The following GART variants were observed in gnomAD, a reference collection of about 807,000 sequenced individuals.
GART encodes the protein phosphoribosylglycinamide formyltransferase, phosphoribosylglycinamide synthetase, phosphoribosylaminoimidazole synthetase.
A neutral mutation model predicts 107.2 loss-of-function variants in GART; 43 were observed. The ratio of observed to expected loss-of-function variants is 0.40; its 90% CI spans 0.31 to 0.52. The LOEUF (loss-of-function observed/expected upper bound fraction) is 0.52, where lower values mean the gene tolerates loss of function less well. Ranked by LOEUF, GART falls within the 20% of genes least tolerant of loss-of-function variation. The pLI is 0.52. For synonymous variants in GART, 434 were observed against 427.0 expected (o/e 1.02, Z -0.20); for missense variants, 1,107 against 1,206.5 (o/e 0.92, Z 1.22).
At chr21:33,530,634 C>A in intron 7 of GART, 125 bp downstream of exon 7, 1 of 992,740 alleles carries the variant, frequency 1.0e-6, no homozygotes, top group African/African-American at 1.7e-5. Flanking sequence ...CATTTAATTG[C>A]TGATTAGTAA....
intron 14 of GART, chr21:33,518,811 T>C (rs1264902280): frequency 1.9e-6 from 1 of 520,906 alleles, no homozygotes; most frequent in Non-Finnish European, 3.8e-6. Flanking sequence ...CTCCTTAAAC[T>C]AGTCAGATTG....
intron 1 of GART, among the ~76,000 whole-genome samples, chr21:33,541,046 C>T (rs565235173): frequency 2.0e-4 from 31 of 152,124 alleles, no homozygotes; most frequent in African/African-American, 7.2e-4. Context: ...AAAAAAAAAC[C>T]CTGTTAAATT....
chr21:33,542,238 C>G (rs191547224), upstream of GART: 1 of 152,434 alleles, frequency 6.6e-6, no homozygotes, highest in East Asian at 1.9e-4. Flanking sequence ...GTCTGATTCC[C>G]TCCCGCCCTG....
chr21:33,517,420 C>T lies in GART; in HGVS notation c.1891G>A (p.Val631Met), dbSNP rs142142742. The change falls in exon 15 of 22, where the codon GTG becomes ATG. Residue 631 changes from valine to methionine, a missense_variant. Val to Met is a conservative substitution (Grantham distance 21). Coordinates refer to ENST00000381815, the MANE Select transcript of GART (RefSeq NM_000819.5). ...SNGFSLVRKI[V>M]AKSSLQYSSP... ...GAGTACTGGAGGGAAGATTTTGCCA[C>T]GATTTTCCTCACAAGGCTAAATCCA... 417 of 1,614,156 alleles carry T rather than the reference C, an allele frequency of 2.6e-4. 4 individuals are homozygous for T. The highest frequency in any genetic ancestry group is 1.2e-3 in the Middle Eastern group (7 of 6,062).
intron 14 of GART, chr21:33,518,904 C>A: frequency 1.9e-6 from 1 of 519,254 alleles, no homozygotes; most frequent in South Asian, 1.4e-5. Flanking sequence ...TGAAAGTGTT[C>A]ACTGCCCCAG....
In GART at chr21:33,531,550, G is replaced by T. The variant is rs762366963; in HGVS notation, c.536C>A (p.Ala179Asp). Residue 179 changes from alanine (A) to aspartate (D), a missense_variant, in exon 6 of 22, where the codon GCC becomes GAC. Physicochemically the swap from Ala to Asp is moderately radical, Grantham distance 126. Coordinates refer to ENST00000381815, the MANE Select transcript of GART (RefSeq NM_000819.5). Reference sequence around the variant, plus strand: ...AATTGTTTCTCCAGCTGCCCCAAAGGCTTTCTCCTGATTGTAAGATTTTTT... The same window carrying T: ...AATTGTTTCTCCAGCTGCCCCAAAGTCTTTCTCCTGATTGTAAGATTTTTT... ...KAVQEIMQEKAFGAAGETIVI... is the reference protein window; with the variant it reads ...KAVQEIMQEKDFGAAGETIVI... The T allele has an allele frequency of 1.9e-6, 3 of 1,602,118 alleles. No individual in the cohort carries two copies. Among genetic ancestry groups the T allele is most frequent in the Non-Finnish European group, 2.5e-6 (3 of 1,176,826 alleles).
In GART at chr21:33,525,116, G is replaced by A; in HGVS notation, c.1067-116C>T. The A allele has an allele frequency of 2.8e-6, 4 of 1,433,526 alleles. 1 individual carries two copies. The South Asian group carries it at 6.1e-5, about 22-fold the overall frequency. 88.8% of individuals were successfully genotyped at this position (1,433,526 alleles called of 1,614,324 possible). A position where few individuals can be genotyped will look rare whatever the true frequency, so the allele number is the denominator to read the frequency against. On this transcript the variant is annotated intron_variant, in intron 10 of 21. Coordinates refer to ENST00000381815, the MANE Select transcript of GART (RefSeq NM_000819.5). ...TTTTTTTTTAACTTGGCTAGGTGCG[G>A]TGGCTCATGCTTATAATTCCAGCAC... is the stretch of plus-strand genomic sequence containing the variant.
intron 1 of GART, among the ~76,000 whole-genome samples, chr21:33,541,401 C>T (rs1373878022): frequency 6.6e-6 from 1 of 152,218 alleles, no homozygotes; most frequent in African/African-American, 2.4e-5. Context: ...CCCACCTTGG[C>T]CTCCCAAGTG....
At chr21:33,527,444 G>C (rs1264748690) in intron 10 of GART, among the ~76,000 whole-genome samples, 1 of 152,086 alleles carries the variant, frequency 6.6e-6, no homozygotes, top group East Asian at 1.9e-4. Flanking sequence ...CTTGAACCCA[G>C]GAGGAGGTTA....
At position 33,506,065 on chromosome 21, in the gene GART, G is replaced by C; in HGVS notation, c.2492C>G (p.Pro831Arg). 6.2e-7 allele frequency: 1 copy of C among 1,614,082 alleles called. No homozygotes were observed. Among genetic ancestry groups the C allele is most frequent in the Non-Finnish European group, 8.5e-7 (1 of 1,180,002 alleles). The change falls in exon 19 of 22, where the codon CCA (proline) becomes CGA (arginine). Residue 831 changes from proline to arginine, a missense_variant. Coordinates refer to ENST00000381815, the MANE Select transcript of GART (RefSeq NM_000819.5). The stretch of plus-strand genomic sequence containing the variant: ...AATATCAATTTGTGCAGAGCTATTT[G>C]GTTCCCGAGTACTGTCTATAAGTGC... ...LQALIDSTREPNSSAQIDIVI... is the reference protein window; with the variant it reads ...LQALIDSTRERNSSAQIDIVI...
At chr21:33,534,799 G>T in intron 3 of GART, 46 bp from the exon 4 acceptor site, 1 of 1,493,232 alleles carries the variant, frequency 6.7e-7, no homozygotes, top group South Asian at 1.4e-5. Flanking sequence ...GTCTCCCCAG[G>T]GGCTTTTCAG....
intron 3 of GART, 26 bp from the exon 4 acceptor site, chr21:33,534,779 GTGAACCAAGGTCTCCCC>G: frequency 2.0e-6 from 3 of 1,528,332 alleles, no homozygotes; most frequent in Non-Finnish European, 2.6e-6. Context: ...GTAGCCTTAG[GTGAACCAAGGTCTCCCC>G]AGGGGCTTTT....
chr21:33,530,735 T>G, intron 7 of GART, 24 bp downstream of exon 7: 1 of 1,408,482 alleles, frequency 7.1e-7, no homozygotes, highest in Non-Finnish European at 9.3e-7. Flanking sequence ...ACTACAAGAC[T>G]TCAGCAGAGT....
At position 33,534,644 on chromosome 21, in the gene GART, A is replaced by G; in HGVS notation, c.351T>C (p.His117=). Residue 117 remains histidine, a synonymous_variant, in exon 4 of 22, where the codon CAT becomes CAC. Transcript: ENST00000381815. ...CCTTCCATTGTGCGGTTGGGATTCC[A>G]TGTCTGTCCATAAACTCTTTGGCAA... The part of the protein sequence containing the change: ...KRFAKEFMDR[H]GIPTAQWKAF... 4 of 1,614,088 alleles carry G rather than the reference A, an allele frequency of 2.5e-6. No homozygotes were observed. Among genetic ancestry groups the G allele is most frequent in the Non-Finnish European group, 3.4e-6 (4 of 1,180,008 alleles).
intron 14 of GART, chr21:33,518,607 CA>C: frequency 3.2e-6 from 1 of 314,110 alleles, no homozygotes; most frequent in Non-Finnish European, 6.2e-6. Context: ...TTTCAGAAAG[CA>C]GTCATAATGT....
intron 1 of GART, among the ~76,000 whole-genome samples, chr21:33,541,643 T>G (rs924450201): frequency 6.6e-6 from 1 of 152,170 alleles, no homozygotes; most frequent in Non-Finnish European, 1.5e-5. Context: ...CTTGGGGGAC[T>G]TCACTAACCT....
chr21:33,504,567 T>C, intron 20 of GART, 40 bp from the exon 21 acceptor site: 1 of 1,410,272 alleles, frequency 7.1e-7, no homozygotes, highest in Non-Finnish European at 1.0e-6. Context: ...AATTTAAAAA[T>C]CCTGGGTATT....
intron 7 of GART, 128 bp from the exon 8 acceptor site, chr21:33,529,065 T>C: frequency 1.8e-6 from 1 of 543,160 alleles, no homozygotes; most frequent in Admixed American, 3.3e-5. Context: ...TGCTGAACAC[T>C]TTGAACTTGA....
chr21:33,511,219 T>G, intron 17 of GART, 33 bp downstream of exon 17: 1 of 1,610,394 alleles, frequency 6.2e-7, no homozygotes, highest in Non-Finnish European at 8.5e-7. Flanking sequence ...ACAGCTAAAA[T>G]TATATATCTA....
Sources: gnomAD v4.1 joint callset for allele counts (sites outside exome capture counted in the v4.1 genomes callset) on GRCh38, gnomAD v4.1.1 for gene constraint, MANE v1.5 for transcripts, NCBI Gene and HGNC (gene_info 2026-07-23, HGNC 2026-07-21) for gene names.